The following CACNA1C variants were observed in gnomAD, a reference collection of about 807,000 sequenced individuals.
CACNA1C encodes the protein calcium voltage-gated channel subunit alpha1 C.
Under a neutral mutation model 229.0 loss-of-function variants are expected in CACNA1C, and 30 were observed. The ratio of observed to expected loss-of-function variants is 0.13; its 90% confidence interval spans 0.10 to 0.18. The LOEUF (loss-of-function observed/expected upper bound fraction) is 0.18, where lower values mean the gene tolerates loss of function less well. Among genes scored for constraint, CACNA1C ranks in the 10% least tolerant of loss-of-function variants. CACNA1C has a pLI of 1.00. For synonymous variants in CACNA1C, 1,114 were observed against 1,132.5 expected, an observed-to-expected ratio of 0.98 and a Z score of 0.33; for missense variants, 1,658 against 2,845.0, an observed-to-expected ratio of 0.58 and a Z score of 9.49.
intron 29 of CACNA1C, among the ~76,000 whole-genome samples, chr12:2,625,781 A>AC (rs201119340): frequency 0.014 from 2,116 of 151,994 alleles, 56 homozygotes; most frequent in African/African-American, 0.049. Flanking sequence ...CATCTCTAAA[A>AC]AAAAAAAAAA....
intron 9 of CACNA1C, among the ~76,000 whole-genome samples, chr12:2,514,291 T>A (rs1485535899): frequency 6.6e-6 from 1 of 152,156 alleles, no homozygotes; most frequent in Non-Finnish European, 1.5e-5. Flanking sequence ...AAAGATAGCT[T>A]TAATAAATCT....
Position 2,067,654 on chromosome 12 carries a change from G to A in CACNA1C, c.49+14043G>A, listed in dbSNP as rs937905869. On this transcript the variant is annotated intron_variant, in intron 1 of 46. Transcript: ENST00000399655. The surrounding 1 kb of genome is among the most constrained non-coding windows in gnomAD (Gnocchi z 5.3). ...GTGGATGGAAGGAAGCAGGGGATGG[G>A]AGGACTGGTGGAGGTGGACGTCAGA... Among the ~76,000 whole-genome samples, 6 of 152,130 alleles carry A rather than the reference G, an allele frequency of 3.9e-5. No homozygotes were observed. The highest frequency in any genetic ancestry group is 7.4e-5 in the Non-Finnish European group (5 of 68,020).
chr12:2,416,680 C>T (rs1051558359), intron 3 of CACNA1C, among the ~76,000 whole-genome samples: 2 of 152,188 alleles, frequency 1.3e-5, no homozygotes, highest in African/African-American at 4.8e-5. Context: ...ATTGGGACTC[C>T]ACCCACCATG....
intron 3 of CACNA1C, among the ~76,000 whole-genome samples, chr12:2,241,807 A>G (rs1447803473): frequency 6.6e-6 from 1 of 152,090 alleles, no homozygotes; most frequent in Non-Finnish European, 1.5e-5. Context: ...GTTATGTTTG[A>G]TCCCCTGCTG....
At chr12:1,980,515 C>G (rs11062039) in intron 1 of CACNA1C, among the ~76,000 whole-genome samples, 1,828 of 151,780 alleles carry the variant, frequency 0.012, 32 homozygotes, top group African/African-American at 0.038. Context: ...AATATGTTTT[C>G]CCAGTCTGTG....
intron 3 of CACNA1C, among the ~76,000 whole-genome samples, chr12:2,263,501 T>C (rs983910854): frequency 3.3e-5 from 5 of 151,580 alleles, no homozygotes; most frequent in Non-Finnish European, 5.9e-5. Context: ...GACTGATCTG[T>C]TTTGAAAGAG....
chr12:2,166,471 A>T (rs2096238600), intron 3 of CACNA1C, among the ~76,000 whole-genome samples: 1 of 152,256 alleles, frequency 6.6e-6, no homozygotes, highest in South Asian at 2.1e-4. Flanking sequence ...CCTCTAAATT[A>T]GAAGTGAGAT....
At chr12:2,457,204 C>A (rs1429946629) in intron 4 of CACNA1C, among the ~76,000 whole-genome samples, 1 of 152,196 alleles carries the variant, frequency 6.6e-6, no homozygotes. Context: ...GGGAGGGGCG[C>A]TAGGATACCA....
chr12:2,225,407 C>T (rs972604111), intron 3 of CACNA1C, among the ~76,000 whole-genome samples: 2 of 152,138 alleles, frequency 1.3e-5, no homozygotes, highest in Admixed American at 6.5e-5. Context: ...AGCACCAATA[C>T]GCAAAGAAAT....
intron 3 of CACNA1C, among the ~76,000 whole-genome samples, chr12:2,351,907 C>G (rs2097212633): frequency 6.6e-6 from 1 of 152,206 alleles, no homozygotes; most frequent in East Asian, 1.9e-4. Flanking sequence ...CATCCCCAGG[C>G]TCTGGAAAGT....
intron 29 of CACNA1C, among the ~76,000 whole-genome samples, chr12:2,628,205 C>T (rs1435878633): frequency 6.6e-6 from 1 of 152,186 alleles, no homozygotes; most frequent in Non-Finnish European, 1.5e-5. Flanking sequence ...GGCATGCACC[C>T]GTCACCCCTT....
At chr12:2,422,787 G>A (rs1472033742) in intron 3 of CACNA1C, among the ~76,000 whole-genome samples, 1 of 152,138 alleles carries the variant, frequency 6.6e-6, no homozygotes, top group Non-Finnish European at 1.5e-5. Flanking sequence ...GTCGTGTTGT[G>A]GCTCAGCAAG....
At chr12:2,392,896 T>C (rs1348555264) in intron 3 of CACNA1C, among the ~76,000 whole-genome samples, 1 of 152,214 alleles carries the variant, frequency 6.6e-6, no homozygotes, top group African/African-American at 2.4e-5. Flanking sequence ...TATGTCCATC[T>C]GGGCTTTGCT....
At chr12:2,005,609 ATG>A (rs1433337458) in intron 1 of CACNA1C, among the ~76,000 whole-genome samples, 1 of 105,302 alleles carries the variant, frequency 9.5e-6, no homozygotes, top group Non-Finnish European at 2.0e-5. Context: ...TCAGTACTTA[ATG>A]TTTTTTTTTC....
intron 9 of CACNA1C, among the ~76,000 whole-genome samples, chr12:2,547,794 A>G (rs2099884487): frequency 1.3e-5 from 2 of 152,216 alleles, no homozygotes; most frequent in South Asian, 4.1e-4. Flanking sequence ...TCCTCTGGGC[A>G]GTGCTGGCCT....
rs77872904 is a variant in CACNA1C, at chr12:2,252,864, CT to C, written c.477+132449del. On this transcript the variant is annotated intron_variant, in intron 3 of 46. Transcript: ENST00000399655. Reference sequence around the variant, plus strand: ...CACTTTGCTGGGTCCATGGGTTTAACTTTTTTTTTTTTTTTCAGTCTTTCCC... The same window carrying C: ...CACTTTGCTGGGTCCATGGGTTTAACTTTTTTTTTTTTTTCAGTCTTTCCC... 8.3e-3 allele frequency among the ~76,000 whole-genome samples: 1,183 copies of C among 142,988 alleles called. 19 individuals are homozygous for C. The highest frequency in any genetic ancestry group is 0.021 in the African/African-American group (839 of 39,252). 93.8% of individuals were successfully genotyped at this position (142,988 alleles called of 152,430 possible).
intron 3 of CACNA1C, among the ~76,000 whole-genome samples, chr12:2,332,949 A>G (rs1417867746): frequency 6.6e-6 from 1 of 152,236 alleles, no homozygotes; most frequent in African/African-American, 2.4e-5. Flanking sequence ...GCAGAAAACA[A>G]CAAATAAAGT....
intron 3 of CACNA1C, among the ~76,000 whole-genome samples, chr12:2,358,113 A>G (rs1448648887): frequency 6.6e-6 from 1 of 152,138 alleles, no homozygotes; most frequent in African/African-American, 2.4e-5. Context: ...CTCATCAGCT[A>G]TGGAGGCCTC....
intron 30 of CACNA1C, among the ~76,000 whole-genome samples, chr12:2,637,754 T>C (rs1039859330): frequency 6.6e-6 from 1 of 152,352 alleles, no homozygotes. Context: ...CAGGTATTTT[T>C]AGTCATCCTC....
Sources: gnomAD v4.1 joint callset for allele counts (sites outside exome capture counted in the v4.1 genomes callset) on GRCh38, gnomAD v4.1.1 for gene constraint, Gnocchi (gnomAD v3.1) non-coding constraint, MANE v1.5 for transcripts, NCBI Gene and HGNC (gene_info 2026-07-23, HGNC 2026-07-21) for gene names.